Variants in CCT2 observed in about 807,000 individuals in gnomAD.
CCT2 encodes chaperonin containing TCP1 subunit 2, also known as T-complex protein 1 subunit beta.
In CCT2, 18 loss-of-function variants were observed where a neutral mutation model predicts 61.8. The ratio of observed to expected loss-of-function variants is 0.29; its 90% CI spans 0.20 to 0.43. CCT2 has a LOEUF of 0.43. CCT2 is among the 20% of genes least tolerant of loss of function. The pLI is 1.00. For synonymous variants in CCT2, 248 were observed against 215.9 expected (o/e 1.15, Z -1.30); for missense variants, 556 against 656.9 (o/e 0.85, Z 1.68).
In CCT2 at chr12:69,588,006, G is replaced by A. The variant is rs774382197; in HGVS notation, c.333G>A (p.Arg111=). 6.2e-6 allele frequency: 10 copies of A among 1,612,190 alleles called. No individual in the cohort carries two copies. ...SVTVLAAELL[R]EAESLIAKKI... is the part of the protein sequence containing the mutation. Reference sequence around the variant, plus strand: ...CCGTTTTAGCAGCAGAATTATTAAGGGTAAGAGCAACTAAGCAACTCTTTT... The same window carrying A: ...CCGTTTTAGCAGCAGAATTATTAAGAGTAAGAGCAACTAAGCAACTCTTTT... The change falls in exon 5 of 16, where the codon AGG becomes AGA. Residue 111 remains arginine, a splice_region_variant and synonymous_variant. Transcript: ENST00000299300.
chr12:69,589,836 T>C, intron 7 of CCT2, 149 bp downstream of exon 7: 1 of 639,946 alleles, frequency 1.6e-6, no homozygotes. Context: ...TTTGTCATTT[T>C]ATTGACAGTG....
intron 10 of CCT2, among the ~76,000 whole-genome samples, chr12:69,594,188 G>A (rs710772): frequency 0.79 from 119,726 of 152,018 alleles, 47,843 homozygotes; most frequent in East Asian, 0.91. Flanking sequence ...CTGTAAGACC[G>A]TTGTTAAAAT....
intron 8 of CCT2, 160 bp from the exon 9 acceptor site, chr12:69,592,816 T>A (rs1308361957): frequency 3.7e-6 from 2 of 538,436 alleles, no homozygotes; most frequent in Non-Finnish European, 6.4e-6. Context: ...TAATCCCAGC[T>A]GCTTGGAAGG....
chr12:69,586,020 G>C, intron 1 of CCT2: 1 of 1,370,080 alleles, frequency 7.3e-7, no homozygotes, highest in South Asian at 1.6e-5. Flanking sequence ...GTACGTAACT[G>C]TCAATCTCGC....
At position 69,598,335 on chromosome 12, in the gene CCT2, T is replaced by C. The variant is rs1252985416; in HGVS notation, c.1349T>C (p.Ile450Thr). ...TCATTTTCATAGTTGCCAACCATCATAGCTGACAATGCAGGCTATGACAGT... is the reference window on the plus strand; with the variant it reads ...TCATTTTCATAGTTGCCAACCATCACAGCTGACAATGCAGGCTATGACAGT... ...AKALRMLPTI[I>T]ADNAGYDSAD... The change falls in exon 14 of 16, where the codon ATA becomes ACA. Residue 450 changes from isoleucine to threonine, a missense_variant. Around this residue, in one of 3 missense-constraint regions of CCT2, gnomAD observed 225 missense variants for 249.8 expected, o/e 0.90. Coordinates refer to ENST00000299300, the MANE Select transcript of CCT2 (RefSeq NM_006431.3). 3 of 1,588,984 alleles carry C rather than the reference T, an allele frequency of 1.9e-6. No individual in the cohort carries two copies. Among genetic ancestry groups the C allele is most frequent in the Non-Finnish European group, 2.6e-6 (3 of 1,169,526 alleles).
At chr12:69,586,396 G>A in intron 2 of CCT2, 52 bp downstream of exon 2, 1 of 1,302,472 alleles carries the variant, frequency 7.7e-7, no homozygotes. Context: ...GGCCAGGCGC[G>A]GTGGCTTACT....
At chr12:69,585,814 G>T in intron 1 of CCT2, 1 of 1,355,446 alleles carries the variant, frequency 7.4e-7, no homozygotes, top group Non-Finnish European at 9.5e-7. Flanking sequence ...TTTCTAGTGT[G>T]GGACCCGCTC....
At chr12:69,586,843 A>G in intron 3 of CCT2, 25 bp downstream of exon 3, 1 of 1,440,280 alleles carries the variant, frequency 6.9e-7, no homozygotes, top group East Asian at 2.3e-5. Context: ...AAAGTTTTAT[A>G]TTTTAATATT....
chr12:69,589,238 T>C (rs1881761417), intron 6 of CCT2: 3 of 511,426 alleles, frequency 5.9e-6, no homozygotes, highest in Non-Finnish European at 1.0e-5. Context: ...TCTCACATTC[T>C]TGCCAACATT....
intron 10 of CCT2, among the ~76,000 whole-genome samples, chr12:69,594,327 C>G (rs991957930): frequency 6.6e-6 from 1 of 151,976 alleles, no homozygotes; most frequent in Non-Finnish European, 1.5e-5. Context: ...ACAATAGTAA[C>G]CTTTATTGAA....
intron 7 of CCT2, among the ~76,000 whole-genome samples, chr12:69,591,281 GT>G (rs1055057232): frequency 1.3e-5 from 2 of 152,298 alleles, no homozygotes; most frequent in Non-Finnish European, 2.9e-5. Flanking sequence ...GTGGTACTGG[GT>G]TTGTATGATG....
intron 10 of CCT2, among the ~76,000 whole-genome samples, chr12:69,596,767 A>G (rs1164116464): frequency 3.9e-5 from 6 of 152,332 alleles, no homozygotes; most frequent in Admixed American, 6.5e-5. Context: ...ATTTAAACTC[A>G]AAAGTAACTG....
chr12:69,594,033 G>A (rs1032587673), intron 10 of CCT2, among the ~76,000 whole-genome samples: 1 of 152,034 alleles, frequency 6.6e-6, no homozygotes, highest in East Asian at 1.9e-4. Context: ...CCACTTGGGG[G>A]GAGGCTGAGG....
intron 7 of CCT2, among the ~76,000 whole-genome samples, chr12:69,589,949 T>A (rs76497329): frequency 0.013 from 1,943 of 152,352 alleles, 25 homozygotes; most frequent in African/African-American, 0.032. Flanking sequence ...AATGTTTTCT[T>A]TTACTAGAAA....
intron 1 of CCT2, chr12:69,585,749 A>C: frequency 6.9e-7 from 1 of 1,441,888 alleles, no homozygotes; most frequent in Admixed American, 2.7e-5. Context: ...CCTTGTGCCT[A>C]GGTCTTTGCA....
rs1310265964 is a variant in CCT2 at position 69,595,702 on chromosome 12, A to AG, written c.983-1454_983-1453insG. Among the ~76,000 whole-genome samples the AG allele has an allele frequency of 4.4e-3, 670 of 151,946 alleles. 6 individuals are homozygous for AG. Among genetic ancestry groups the AG allele is most frequent in the African/African-American group, 0.015 (639 of 41,352 alleles). ...AGACTCCGTCTCAAAAAAAAAAAAA[A>AG]AAAAAGATGTAAGAAGTAAATGGTA... On this transcript the variant is annotated intron_variant, in intron 10 of 15. Coordinates refer to ENST00000299300, the MANE Select transcript of CCT2 (RefSeq NM_006431.3).
chr12:69,591,456 T>C (rs1881832906), intron 7 of CCT2, among the ~76,000 whole-genome samples: 1 of 152,158 alleles, frequency 6.6e-6, no homozygotes, highest in Admixed American at 6.6e-5. Flanking sequence ...GTGTCCATGG[T>C]TTTTCCATTT....
chr12:69,593,448 G>T, intron 9 of CCT2, 62 bp from the exon 10 acceptor site: 1 of 1,069,042 alleles, frequency 9.4e-7, no homozygotes, highest in East Asian at 2.4e-5. Flanking sequence ...ATGTTTTTTA[G>T]TCTAATGTAG....
At chr12:69,586,484 A>G (rs1881661578) in intron 2 of CCT2, 140 bp downstream of exon 2, 5 of 675,692 alleles carry the variant, frequency 7.4e-6, no homozygotes, top group South Asian at 6.9e-5. Flanking sequence ...CCTGGCCAAC[A>G]TGGTAAAACC....
Sources: allele counts gnomAD v4.1 joint callset (sites outside exome capture counted in the v4.1 genomes callset), GRCh38; gene constraint gnomAD v4.1.1; regional missense constraint gnomAD v4.1.1; transcripts MANE v1.5; gene names NCBI Gene and HGNC (gene_info 2026-07-23, HGNC 2026-07-21).